Variants in IFT122 observed in about 807,000 individuals in gnomAD.
The protein encoded by IFT122 is intraflagellar transport 122.
IFT122 carries 118 observed loss-of-function variants against 161.6 expected under a neutral mutation model. The observed-to-expected ratio is 0.73, with a 90% CI of 0.63 to 0.85. The LOEUF is 0.85. Ranked by LOEUF, IFT122 falls within the 40% of genes least tolerant of loss-of-function variation. IFT122 has a pLI of 0.00. For missense variants in IFT122, 1,381 were observed against 1,579.6 expected, an observed-to-expected ratio of 0.87 and a Z score of 2.13; for synonymous variants, 550 against 602.4, an observed-to-expected ratio of 0.91 and a Z score of 1.27.
intron 9 of IFT122, among the ~76,000 whole-genome samples, chr3:129,470,609 C>G (rs915392990): frequency 1.3e-5 from 2 of 149,956 alleles, no homozygotes; most frequent in African/African-American, 4.9e-5. Context: ...CTCACTCTGT[C>G]GCCTAGGCTG....
Position 129,515,685 on chromosome 3 carries a change from G to A in IFT122, c.3265+86G>A, listed in dbSNP as rs1462949709. ...ACTGCTCTCTGGCCTCAGGACGTTG[G>A]GCAAGGGCCAAAGGCCTCTGAATGT... On this transcript the variant is annotated intron_variant, in intron 26 of 29. Coordinates refer to ENST00000348417, the MANE Select transcript of IFT122 (RefSeq NM_052989.3). 3.3e-6 allele frequency: 4 copies of A among 1,229,392 alleles called. No individual in the cohort carries two copies. In the East Asian group the frequency reaches 9.4e-5, roughly 29 times the overall value. The allele number at this position is 1,229,392 out of a possible 1,614,324, so 76.2% of individuals were successfully genotyped here. A position where few individuals can be genotyped will look rare whatever the true frequency, so the allele number is the denominator to read the frequency against.
chr3:129,476,591 TTG>T, intron 10 of IFT122, 70 bp from the exon 11 acceptor site: 1 of 1,613,668 alleles, frequency 6.2e-7, no homozygotes, highest in Non-Finnish European at 8.5e-7. Flanking sequence ...TCACTGGGGT[TTG>T]TGTCTGACAA....
chr3:129,501,087 G>T (rs1026917281), intron 19 of IFT122, among the ~76,000 whole-genome samples: 2 of 152,058 alleles, frequency 1.3e-5, no homozygotes, highest in African/African-American at 2.4e-5. Flanking sequence ...GAGAGGAGGG[G>T]GTTGGGGTGG....
intron 1 of IFT122, among the ~76,000 whole-genome samples, chr3:129,440,846 A>T (rs1182000464): frequency 6.6e-6 from 1 of 152,252 alleles, no homozygotes; most frequent in Non-Finnish European, 1.5e-5. Context: ...TGTTAAGATA[A>T]AATCAGCGTC....
intron 10 of IFT122, 21 bp downstream of exon 10, chr3:129,476,527 C>G: frequency 6.2e-7 from 1 of 1,613,980 alleles, no homozygotes; most frequent in Non-Finnish European, 8.5e-7. Context: ...AAAGTTTGTT[C>G]TGTGGGGCCA....
At chr3:129,447,859 G>A (rs1234616782) in intron 1 of IFT122, among the ~76,000 whole-genome samples, 2 of 152,136 alleles carry the variant, frequency 1.3e-5, no homozygotes, top group Non-Finnish European at 2.9e-5. Context: ...TGCCGGAGAG[G>A]TACAATGAGG....
At chr3:129,459,498 C>T (rs2075936899) in intron 4 of IFT122, 1 of 288,548 alleles carries the variant, frequency 3.5e-6, no homozygotes. Context: ...ACCATGTTAG[C>T]TAGGATGGTC....
intron 18 of IFT122, among the ~76,000 whole-genome samples, chr3:129,498,982 A>T (rs71255452): frequency 1.1e-4 from 16 of 152,252 alleles, no homozygotes; most frequent in Admixed American, 3.9e-4. Context: ...TTGTAGGGCC[A>T]GCCCAGAGAA....
intron 17 of IFT122, 31 bp from the exon 18 acceptor site, chr3:129,495,415 A>G (rs200967530): frequency 3.7e-6 from 6 of 1,613,274 alleles, no homozygotes; most frequent in East Asian, 4.5e-5. Context: ...ATGGCTGCAG[A>G]GGCCATTTCC....
intron 22 of IFT122, 107 bp downstream of exon 22, chr3:129,506,656 T>G: frequency 6.8e-7 from 1 of 1,471,488 alleles, no homozygotes; most frequent in Non-Finnish European, 9.5e-7. Flanking sequence ...GCTTGTTTAT[T>G]GGGTGTATTG....
intron 18 of IFT122, among the ~76,000 whole-genome samples, chr3:129,496,478 A>G (rs114015618): frequency 5.4e-4 from 82 of 152,334 alleles, no homozygotes; most frequent in African/African-American, 2.0e-3. Flanking sequence ...GTGACTCATC[A>G]GCCATAACCT....
chr3:129,456,717 C>A (rs1231558952), intron 3 of IFT122, among the ~76,000 whole-genome samples: 1 of 151,952 alleles, frequency 6.6e-6, no homozygotes, highest in African/African-American at 2.4e-5. Context: ...GAGTTTGAGA[C>A]CAGCCTGCCC....
intron 9 of IFT122, among the ~76,000 whole-genome samples, chr3:129,470,324 C>G (rs1577491805): frequency 6.6e-6 from 1 of 151,974 alleles, no homozygotes; most frequent in East Asian, 1.9e-4. Flanking sequence ...AGTGCAGTGG[C>G]TCAGTCTTGG....
chr3:129,479,768 C>T lies in IFT122; in HGVS notation c.1351-17C>T, dbSNP rs781127638. The T allele has an allele frequency of 1.2e-6, 2 of 1,613,814 alleles. No homozygotes were observed. Among genetic ancestry groups the T allele is most frequent in the Non-Finnish European group, 1.7e-6 (2 of 1,180,014 alleles). ...TATTCTGTTGAATTTCCATGCAGAGCTGGGTTTGCTTCCTAGGAGAAACGG... is the reference window on the plus strand; with the variant it reads ...TATTCTGTTGAATTTCCATGCAGAGTTGGGTTTGCTTCCTAGGAGAAACGG... On this transcript the variant is annotated splice_polypyrimidine_tract_variant and intron_variant, in intron 12 of 29. Transcript: ENST00000348417.
At position 129,502,861 on chromosome 3, in the gene IFT122, G is replaced by T; in HGVS notation, c.2526G>T (p.Val842=). Residue 842 remains valine (V), a synonymous_variant, in exon 20 of 30, where the codon GTG becomes GTT. Coordinates refer to ENST00000348417, the MANE Select transcript of IFT122 (RefSeq NM_052989.3). ...GDLKSLVQLH[V]ETQRWDEAFA... ...TCAAGTCCCTGGTGCAGCTGCACGT[G>T]GAGACCCAGCGCTGGGATGAGGTGA... 3 of 1,611,656 alleles carry T rather than the reference G, an allele frequency of 1.9e-6. No homozygotes were observed. Among genetic ancestry groups the T allele is most frequent in the Non-Finnish European group, 2.5e-6 (3 of 1,180,018 alleles).
chr3:129,491,098 C>T (rs1214614084), intron 16 of IFT122, among the ~76,000 whole-genome samples: 1 of 152,190 alleles, frequency 6.6e-6, no homozygotes, highest in African/African-American at 2.4e-5. Flanking sequence ...ATGTTTCTCC[C>T]TGGGTCCTCA....
intron 6 of IFT122, 95 bp downstream of exon 6, chr3:129,463,721 T>C: frequency 9.3e-7 from 1 of 1,070,924 alleles, no homozygotes; most frequent in Non-Finnish European, 1.4e-6. Flanking sequence ...AGGTCTTGTG[T>C]TAGGTAGTTG....
At chr3:129,507,875 C>A in intron 23 of IFT122, 113 bp downstream of exon 23, 2 of 828,112 alleles carry the variant, frequency 2.4e-6, no homozygotes, top group Admixed American at 1.9e-5. Context: ...TCACAGTGAA[C>A]TGCTGAGGAA....
chr3:129,453,323 C>T lies in IFT122; in HGVS notation c.193+1325C>T, dbSNP rs570541754. ...TCAGTGAAATAGGAAGCAACAGCAA[C>T]TGAGAGTGGCAATGGGGAAGGGAGG... On this transcript the variant is annotated intron_variant, in intron 3 of 29. Transcript: ENST00000348417. Among the ~76,000 whole-genome samples, 29 of 151,874 alleles carry T rather than the reference C, an allele frequency of 1.9e-4. No individual in the cohort carries two copies. In the South Asian group the frequency reaches 6.0e-3, roughly 32 times the overall value.
Sources: allele counts gnomAD v4.1 joint callset (sites outside exome capture counted in the v4.1 genomes callset), GRCh38; gene constraint gnomAD v4.1.1; transcripts MANE v1.5; gene names NCBI Gene and HGNC (gene_info 2026-07-23, HGNC 2026-07-21).